The following SOS2 variants were observed in gnomAD, a reference collection of about 807,000 sequenced individuals.
SOS2 encodes the protein SOS Ras/Rho guanine nucleotide exchange factor 2.
SOS2 carries 65 observed loss-of-function variants against 148.2 expected under a neutral mutation model. That is an observed-to-expected ratio of 0.44 (90% CI 0.36 to 0.54). SOS2 has a LOEUF of 0.54. Among genes scored for constraint, SOS2 ranks in the 20% least tolerant of loss-of-function variants. SOS2 has a pLI of 0.00. For synonymous variants in SOS2, 539 were observed against 537.1 expected (o/e 1.00, Z -0.05); for missense variants, 1,341 against 1,590.2 (o/e 0.84, Z 2.67).
At chr14:50,150,336 T>G in intron 13 of SOS2, 106 bp from the exon 14 acceptor site, 1 of 753,622 alleles carries the variant, frequency 1.3e-6, no homozygotes, top group South Asian at 1.7e-5. Flanking sequence ...TACCAACTCA[T>G]GGCCAATTTT....
chr14:50,189,331 C>CAAAAAAAAAAAAAAAA lies in SOS2; in HGVS notation c.511-647_511-632dup, dbSNP rs761860061. Among the ~76,000 whole-genome samples, 51 of 31,458 alleles carry CAAAAAAAAAAAAAAAA rather than the reference C, an allele frequency of 1.6e-3. 8 individuals are homozygous for CAAAAAAAAAAAAAAAA. The highest frequency in any genetic ancestry group is 3.4e-3 in the East Asian group (3 of 870). The allele number at this position is 31,458 out of a possible 152,430, so 20.6% of individuals were successfully genotyped here. A position where few individuals can be genotyped will look rare whatever the true frequency, so the allele number is the denominator to read the frequency against. On this transcript the variant is annotated intron_variant, in intron 4 of 22. Transcript: ENST00000216373. ...ACACACACACACACACACATAATAG[C>CAAAAAAAAAAAAAAAA]AAAAAAAAAAAAAAAAAGCAAGCCT...
chr14:50,174,590 G>T, intron 7 of SOS2, 38 bp from the exon 8 acceptor site: 3 of 1,257,894 alleles, frequency 2.4e-6, no homozygotes, highest in South Asian at 2.7e-5. Flanking sequence ...GTATGTCTCT[G>T]ACATCAAGGA....
intron 21 of SOS2, among the ~76,000 whole-genome samples, chr14:50,126,346 T>C (rs1883680014): frequency 6.6e-6 from 1 of 152,156 alleles, no homozygotes; most frequent in Admixed American, 6.5e-5. Flanking sequence ...CTATAGTCAC[T>C]GAAACTTTGC....
chr14:50,137,281 C>T (rs1884112979), intron 18 of SOS2, among the ~76,000 whole-genome samples: 1 of 152,192 alleles, frequency 6.6e-6, no homozygotes, highest in South Asian at 2.1e-4. Flanking sequence ...AAATCATCTT[C>T]TGCCAGGCAT....
chr14:50,159,320 A>T, intron 10 of SOS2, 111 bp downstream of exon 10: 1 of 608,078 alleles, frequency 1.6e-6, no homozygotes, highest in Non-Finnish European at 2.9e-6. Context: ...CAGTATTTTT[A>T]TATTTTGGAG....
At chr14:50,189,546 G>A (rs536386791) in intron 4 of SOS2, among the ~76,000 whole-genome samples, 56 of 152,006 alleles carry the variant, frequency 3.7e-4, no homozygotes, top group Non-Finnish European at 2.6e-4. Flanking sequence ...TATTCAACAT[G>A]GTAGTTCCTT....
chr14:50,212,411 T>C (rs992601638), intron 1 of SOS2, among the ~76,000 whole-genome samples: 3 of 152,108 alleles, frequency 2.0e-5, no homozygotes, highest in Non-Finnish European at 2.9e-5. Flanking sequence ...GAGGCGGAGG[T>C]TGCAGTGAGC....
intron 4 of SOS2, among the ~76,000 whole-genome samples, chr14:50,191,715 G>C (rs1886146016): frequency 6.6e-6 from 1 of 152,144 alleles, no homozygotes; most frequent in African/African-American, 2.4e-5. Flanking sequence ...AAACCGGAAG[G>C]TACATGCACC....
chr14:50,161,396 A>T, intron 9 of SOS2, 86 bp downstream of exon 9: 2 of 1,008,586 alleles, frequency 2.0e-6, no homozygotes, highest in Non-Finnish European at 3.0e-6. Context: ...TGTAACTATC[A>T]CAATAAATCA....
At chr14:50,228,378 C>A (rs1394096824) in intron 1 of SOS2, among the ~76,000 whole-genome samples, 2 of 152,040 alleles carry the variant, frequency 1.3e-5, no homozygotes, top group Non-Finnish European at 1.5e-5. Context: ...GAAAATATAA[C>A]CCAAAGCCTA....
intron 1 of SOS2, among the ~76,000 whole-genome samples, chr14:50,208,894 C>A (rs1047282021): frequency 6.6e-6 from 1 of 152,104 alleles, no homozygotes; most frequent in South Asian, 2.1e-4. Flanking sequence ...TTTTGGGGTG[C>A]CCATATAACT....
intron 19 of SOS2, among the ~76,000 whole-genome samples, chr14:50,133,151 A>G (rs1399662798): frequency 6.6e-6 from 1 of 151,994 alleles, no homozygotes; most frequent in African/African-American, 2.4e-5. Flanking sequence ...TATGTTGGGA[A>G]ATAAAGTTTA....
chr14:50,174,880 GT>G (rs1481967782), intron 7 of SOS2, among the ~76,000 whole-genome samples: 1 of 152,132 alleles, frequency 6.6e-6, no homozygotes, highest in African/African-American at 2.4e-5. Flanking sequence ...ATTTTAAAAT[GT>G]TTTAAATTTA....
intron 1 of SOS2, among the ~76,000 whole-genome samples, chr14:50,212,030 G>A (rs1886888328): frequency 6.6e-6 from 1 of 151,984 alleles, no homozygotes; most frequent in Non-Finnish European, 1.5e-5. Context: ...AAAAAATGTT[G>A]GCAGAAAGAA....
chr14:50,212,302 C>T (rs1000835661), intron 1 of SOS2, among the ~76,000 whole-genome samples: 1 of 152,142 alleles, frequency 6.6e-6, no homozygotes, highest in Non-Finnish European at 1.5e-5. Flanking sequence ...GGTGAAACCC[C>T]GTCTCTACTA....
intron 5 of SOS2, among the ~76,000 whole-genome samples, chr14:50,185,496 A>G (rs189476041): frequency 6.6e-6 from 1 of 152,218 alleles, no homozygotes; most frequent in Admixed American, 6.5e-5. Context: ...TTTCGAGACC[A>G]GCCTGGCCAA....
At chr14:50,202,542 T>C (rs917234796) in intron 2 of SOS2, among the ~76,000 whole-genome samples, 1 of 151,728 alleles carries the variant, frequency 6.6e-6, no homozygotes, top group Non-Finnish European at 1.5e-5. Context: ...GAAACCAGCA[T>C]GCGCAATGTA....
intron 4 of SOS2, among the ~76,000 whole-genome samples, chr14:50,196,938 A>G (rs1479549485): frequency 6.6e-6 from 1 of 151,990 alleles, no homozygotes; most frequent in African/African-American, 2.4e-5. Flanking sequence ...CGTGATCTCG[A>G]TTCCATGTAG....
At chr14:50,210,398 C>A (rs1886829495) in intron 1 of SOS2, among the ~76,000 whole-genome samples, 2 of 152,110 alleles carry the variant, frequency 1.3e-5, no homozygotes, top group South Asian at 4.1e-4. Flanking sequence ...ATCCTAGCTG[C>A]ATGTTAGGCC....
Sources: allele counts gnomAD v4.1 joint callset (sites outside exome capture counted in the v4.1 genomes callset), GRCh38; gene constraint gnomAD v4.1.1; transcripts MANE v1.5; gene names NCBI Gene and HGNC (gene_info 2026-07-23, HGNC 2026-07-21).